CDHR2: variants seen among roughly 807,000 people sequenced by gnomAD.
CDHR2 encodes the protein cadherin related family member 2, also known as cadherin-related family member 2.
CDHR2 carries 104 observed loss-of-function variants against 138.6 expected under a neutral mutation model. That is an observed-to-expected ratio of 0.75 (90% CI 0.64 to 0.88). CDHR2 has a LOEUF of 0.88. CDHR2 is among the 40% of genes least tolerant of loss of function. CDHR2 has a pLI of 0.00. For missense variants in CDHR2, 1,624 were observed against 1,727.6 expected (o/e 0.94, Z 1.06); for synonymous variants, 755 against 742.8 (o/e 1.02, Z -0.27).
At chr5:176,563,955 T>A (rs1188399422) in intron 1 of CDHR2, among the ~76,000 whole-genome samples, 1 of 152,140 alleles carries the variant, frequency 6.6e-6, no homozygotes, top group East Asian at 1.9e-4. Flanking sequence ...TAATCCCAGC[T>A]ACTCAGGAGT....
chr5:176,560,162 C>T (rs1245191737), intron 1 of CDHR2, among the ~76,000 whole-genome samples: 1 of 152,134 alleles, frequency 6.6e-6, no homozygotes, highest in Non-Finnish European at 1.5e-5. Context: ...TTTGGGAGAC[C>T]GAGGCGGGCA....
chr5:176,554,074 G>A (rs1210022367), intron 1 of CDHR2, among the ~76,000 whole-genome samples: 2 of 152,204 alleles, frequency 1.3e-5, no homozygotes, highest in Non-Finnish European at 2.9e-5. Flanking sequence ...CAGTCTGGCT[G>A]AGTGCAGCCC....
Position 176,584,585 on chromosome 5 carries a change from C to T in CDHR2, c.2304C>T (p.Tyr768=), listed in dbSNP as rs565179867. 6.6e-5 allele frequency: 106 copies of T among 1,607,722 alleles called. No individual in the cohort carries two copies. The highest frequency in any genetic ancestry group is 3.3e-4 in the Middle Eastern group (2 of 6,028). ...TGCCCCCGGACGTGAGCCTGGATTA[C>T]GAGACACAGCCCGTCTTCAACTTGA... ...LRLPPDVSLD[Y]ETQPVFNLTV... Residue 768 remains tyrosine, a synonymous_variant, in exon 19 of 32, where the codon TAC becomes TAT. Coordinates refer to ENST00000261944, the MANE Select transcript of CDHR2 (RefSeq NM_017675.6).
chr5:176,586,800 C>T lies in CDHR2; in HGVS notation c.2814C>T (p.Ile938=), dbSNP rs777087575. 10 of 1,608,402 alleles carry T rather than the reference C, an allele frequency of 6.2e-6. No individual in the cohort carries two copies. The highest frequency in any genetic ancestry group is 1.3e-5 in the African/African-American group (1 of 74,868). ...TCCCGTTCACACCTGCAGTGATCAT[C>T]CCTGAACTCGTGCTGCCCAACCGGG... The part of the protein sequence containing the change: ...FLPENKTFVI[I]PELVLPNREV... Residue 938 remains isoleucine, a synonymous_variant, in exon 21 of 32, where the codon ATC becomes ATT. Coordinates refer to ENST00000261944, the MANE Select transcript of CDHR2 (RefSeq NM_017675.6).
At chr5:176,590,382 G>A in intron 26 of CDHR2, 43 bp from the exon 27 acceptor site, 1 of 1,614,210 alleles carries the variant, frequency 6.2e-7, no homozygotes, top group Non-Finnish European at 8.5e-7. Flanking sequence ...GAAGCCTGGG[G>A]TGTGCCAAGG....
At chr5:176,588,363 T>TTA (rs575007261) in intron 21 of CDHR2, among the ~76,000 whole-genome samples, 53 of 150,714 alleles carry the variant, frequency 3.5e-4, no homozygotes, top group African/African-American at 1.2e-3. Flanking sequence ...TTGAGTGTAT[T>TTA]TGTGTGAGTG....
upstream of CDHR2, among the ~76,000 whole-genome samples, chr5:176,544,596 C>T (rs573915872): frequency 6.6e-6 from 1 of 152,188 alleles, no homozygotes; most frequent in Non-Finnish European, 1.5e-5. Context: ...TATGGCGCAA[C>T]GCCCGGCTAA....
intron 16 of CDHR2, 144 bp downstream of exon 16, chr5:176,578,752 T>C: frequency 8.5e-7 from 1 of 1,175,552 alleles, no homozygotes; most frequent in African/African-American, 1.5e-5. Context: ...TCCCAGGAAA[T>C]GAAGAAAATT....
At chr5:176,566,808 G>A (rs1758094148) in intron 3 of CDHR2, 3 of 400,914 alleles carry the variant, frequency 7.5e-6, no homozygotes, top group Admixed American at 2.8e-5. Flanking sequence ...ACAGACCCAC[G>A]CCTAGCTGCA....
At chr5:176,544,878 G>A (rs898863919), upstream of CDHR2, among the ~76,000 whole-genome samples, 10 of 152,140 alleles carry the variant, frequency 6.6e-5, no homozygotes, top group Non-Finnish European at 1.5e-4. Flanking sequence ...GAAGTTGAGG[G>A]GTTGAATGCA....
rs556408658 is a variant in CDHR2 at position 176,578,190 on chromosome 5, G to A, written c.1574+95G>A. ...AGAGATAGAATAGCTGGGGAAGACC[G>A]AAGGCACTCAGTTACATTTCAATTT... is the stretch of plus-strand genomic sequence containing the variant. On this transcript the variant is annotated intron_variant, in intron 15 of 31. Transcript: ENST00000261944. The A allele has an allele frequency of 1.9e-4, 243 of 1,309,206 alleles. 2 individuals are homozygous for A. The South Asian group carries it at 1.9e-3, about 10-fold the overall frequency. 81.1% of individuals were successfully genotyped at this position (1,309,206 alleles called of 1,614,324 possible).
At chr5:176,586,592 G>GCCTGTGACCTCA in intron 20 of CDHR2, 2 of 581,360 alleles carry the variant, frequency 3.4e-6, no homozygotes, top group Non-Finnish European at 6.1e-6. Flanking sequence ...GGTCCTGTGG[G>GCCTGTGACCTCA]CCTGTGACCT....
Position 176,575,290 on chromosome 5 carries a change from G to T in CDHR2, c.632G>T (p.Gly211Val). 6.2e-7 allele frequency: 1 copy of T among 1,614,232 alleles called. No individual in the cohort carries two copies. Among genetic ancestry groups the T allele is most frequent in the Non-Finnish European group, 8.5e-7 (1 of 1,180,038 alleles). ...QLELKACDLGGMYHNTFTIQC... is the reference protein window; with the variant it reads ...QLELKACDLGVMYHNTFTIQC... ...GCCATCTCCCCGCAGGACTTGGGCG[G>T]CATGTACCACAACACCTTCACCATC... is the stretch of plus-strand genomic sequence containing the variant. Residue 211 changes from glycine to valine, a missense_variant, in exon 9 of 32, where the codon GGC (glycine) becomes GTC (valine). Coordinates refer to ENST00000261944, the MANE Select transcript of CDHR2 (RefSeq NM_017675.6).
At chr5:176,568,932 AC>A (rs1561871061) in intron 4 of CDHR2, 27 bp from the exon 5 acceptor site, 1 of 1,613,472 alleles carries the variant, frequency 6.2e-7, no homozygotes, top group Admixed American at 1.7e-5. Flanking sequence ...GGGGCTCACC[AC>A]CGGCCCCTTC....
At chr5:176,552,986 G>A (rs892486302) in intron 1 of CDHR2, among the ~76,000 whole-genome samples, 4 of 152,316 alleles carry the variant, frequency 2.6e-5, no homozygotes, top group Middle Eastern at 3.4e-3. Flanking sequence ...AAGGGGCATC[G>A]CTGTTGCTCT....
chr5:176,576,579 CTT>C lies in CDHR2; in HGVS notation c.1194+408_1194+409del, dbSNP rs35790078. Among the ~76,000 whole-genome samples the C allele has an allele frequency of 1.5e-3, 206 of 136,504 alleles. No individual in the cohort carries two copies. Among genetic ancestry groups the C allele is most frequent in the South Asian group, 2.4e-3 (10 of 4,198 alleles). The allele number at this position is 136,504 out of a possible 152,430, so 89.6% of individuals were successfully genotyped here. A position where few individuals can be genotyped will look rare whatever the true frequency, so the allele number is the denominator to read the frequency against. ...TGAGGGTGTGAGGTGGGAGGGTGCT[CTT>C]TTTTTTTTTTTTTGAGATGGAATTT... On this transcript the variant is annotated intron_variant, in intron 12 of 31. Transcript: ENST00000261944. This position sits in a 1 kb window ranked among gnomAD's most constrained non-coding sequence, Gnocchi z 4.5.
At position 176,590,312 on chromosome 5, in the gene CDHR2, C is replaced by T. The variant is rs1190729133; in HGVS notation, c.3335C>T (p.Thr1112Ile). The stretch of plus-strand genomic sequence containing the variant: ...GTCTTCCCCAATGGGTCAGCCCTGA[C>T]CCTTGATGAGCTGAGTGTGTGAGTG... The part of the protein sequence containing the change: ...YFVFPNGSAL[T>I]LDELSVMIRN... Residue 1112 changes from threonine (T) to isoleucine (I), a missense_variant, in exon 26 of 32, where the codon ACC (threonine) becomes ATC (isoleucine). Thr to Ile is a moderately conservative substitution (Grantham distance 89). Transcript: ENST00000261944. 1.9e-6 allele frequency: 3 copies of T among 1,614,202 alleles called. No individual in the cohort carries two copies. In the East Asian group the frequency reaches 6.7e-5, roughly 36 times the overall value.
rs1211276393 is a variant in CDHR2, at chr5:176,584,997, C to T, written c.2716C>T (p.Gln906Ter). 2 of 1,545,856 alleles carry T rather than the reference C, an allele frequency of 1.3e-6. No homozygotes were observed. Among genetic ancestry groups the T allele is most frequent in the Non-Finnish European group, 8.8e-7 (1 of 1,141,868 alleles). Residue 906 changes from glutamine (Q) to a stop codon, truncating the protein, a stop_gained, in exon 19 of 32, where the codon CAG becomes TAG. Coordinates refer to ENST00000261944, the MANE Select transcript of CDHR2 (RefSeq NM_017675.6). LOFTEE classifies it high-confidence loss of function. ...TGACCTAGCCACGGACCCCGGCTTCCAGGCCTACAGCAACAATGGTAAGGC... is the reference window on the plus strand; with the variant it reads ...TGACCTAGCCACGGACCCCGGCTTCTAGGCCTACAGCAACAATGGTAAGGC... ...ACDLATDPGF[Q>*]AYSNNGSLLI...
At chr5:176,588,676 T>G (rs574854282) in intron 21 of CDHR2, among the ~76,000 whole-genome samples, 4 of 148,176 alleles carry the variant, frequency 2.7e-5, no homozygotes, top group African/African-American at 1.0e-4. Flanking sequence ...TGTGTGTGTG[T>G]GAGAGGGTGT....
Sources: allele counts gnomAD v4.1 joint callset (sites outside exome capture counted in the v4.1 genomes callset), GRCh38; gene constraint gnomAD v4.1.1; non-coding constraint Gnocchi (gnomAD v3.1); transcripts MANE v1.5; gene names NCBI Gene and HGNC (gene_info 2026-07-23, HGNC 2026-07-21).